Variants in PCLAF observed in about 807,000 individuals in gnomAD.
The protein encoded by PCLAF is PCNA-associated factor.
Under a neutral mutation model 15.1 loss-of-function variants are expected in PCLAF, and 12 were observed. That is an observed-to-expected ratio of 0.79 (90% confidence interval 0.51 to 1.29). The LOEUF (loss-of-function observed/expected upper bound fraction) is 1.29. PCLAF is among the 50% of genes most tolerant of loss of function. PCLAF has a pLI of 0.00. For missense variants in PCLAF, 116 were observed against 130.9 expected (o/e 0.89, Z 0.56); for synonymous variants, 33 against 47.1 (o/e 0.70, Z 1.22).
At chr15:64,383,433 C>G (rs920842278), upstream of PCLAF, among the ~76,000 whole-genome samples, 1 of 150,044 alleles carries the variant, frequency 6.7e-6, no homozygotes, top group Non-Finnish European at 1.5e-5. Context: ...GTGGCGTGTT[C>G]TCGGCTCACT....
intron 3 of PCLAF, among the ~76,000 whole-genome samples, chr15:64,371,185 G>A (rs1899297404): frequency 6.6e-6 from 1 of 151,502 alleles, no homozygotes; most frequent in Non-Finnish European, 1.5e-5. Context: ...AGCCAGGATG[G>A]TCTTGATCTC....
At position 64,381,395 on chromosome 15, in the gene PCLAF, G is replaced by A; in HGVS notation, c.-24C>T. ...ATGTTCAAACAAGAAGAGAGGAGAG[G>A]AGAGAACGAACTGACTTCCCAGCCG... On this transcript the variant is annotated 5_prime_UTR_variant, in exon 1 of 4. Transcript: ENST00000300035. The A allele has an allele frequency of 1.2e-6, 2 of 1,614,124 alleles. No individual in the cohort carries two copies. Among genetic ancestry groups the A allele is most frequent in the Middle Eastern group, 1.6e-4 (1 of 6,062 alleles).
At chr15:64,370,106 T>A (rs1430546007) in intron 3 of PCLAF, among the ~76,000 whole-genome samples, 1 of 151,052 alleles carries the variant, frequency 6.6e-6, no homozygotes, top group Non-Finnish European at 1.5e-5. Context: ...AGAAACACAA[T>A]CTGGCTCTGT....
chr15:64,376,718 T>A (rs774911661), intron 3 of PCLAF, 25 bp downstream of exon 3: 12 of 1,588,106 alleles, frequency 7.6e-6, no homozygotes, highest in Non-Finnish European at 9.5e-6. Flanking sequence ...ATATTTTCTT[T>A]ATATTCCAGA....
intron 3 of PCLAF, among the ~76,000 whole-genome samples, chr15:64,370,842 T>G (rs1188087057): frequency 1.5e-4 from 23 of 149,566 alleles, no homozygotes; most frequent in East Asian, 9.6e-4. Context: ...TTTTTTTTTT[T>G]TTTTTTTTTT....
intron 3 of PCLAF, among the ~76,000 whole-genome samples, chr15:64,367,677 A>G (rs1293784240): frequency 6.6e-6 from 1 of 151,472 alleles, no homozygotes; most frequent in African/African-American, 2.4e-5. Flanking sequence ...CCTCCCAAGT[A>G]GCTGGGATTA....
rs746420273 is a variant in PCLAF at position 64,376,876 on chromosome 15, C to T, written c.157G>A (p.Val53Ile). 1.9e-6 allele frequency: 3 copies of T among 1,613,772 alleles called. No homozygotes were observed. Among genetic ancestry groups the T allele is most frequent in the African/African-American group, 1.3e-5 (1 of 74,894 alleles). ...AENKYAGGNP[V>I]CVRPTPKWQK... is the part of the protein sequence containing the mutation. Reference sequence around the variant, plus strand: ...CACTTGGGAGTTGGGCGCACGCAAACGGGGTTCCCTCCTGCATATTTATTT... The same window carrying T: ...CACTTGGGAGTTGGGCGCACGCAAATGGGGTTCCCTCCTGCATATTTATTT... Residue 53 changes from valine to isoleucine, a missense_variant, in exon 3 of 4, where the codon GTT becomes ATT. Physicochemically the swap from Val to Ile is conservative, Grantham distance 29. Coordinates refer to ENST00000300035, the MANE Select transcript of PCLAF (RefSeq NM_014736.6).
chr15:64,373,336 C>G (rs1398745179), intron 3 of PCLAF: 2 of 187,934 alleles, frequency 1.1e-5, no homozygotes, highest in Non-Finnish European at 2.2e-5. Flanking sequence ...TTAAACCAGT[C>G]CAGTTTGAGA....
chr15:64,371,679 C>G (rs959044579), intron 3 of PCLAF, among the ~76,000 whole-genome samples: 6 of 152,188 alleles, frequency 3.9e-5, no homozygotes, highest in Non-Finnish European at 8.8e-5. Context: ...TCTTGGCTCA[C>G]TCCACCTCCT....
chr15:64,374,309 AGGCG>A (rs1188290746), intron 3 of PCLAF, among the ~76,000 whole-genome samples: 3 of 152,110 alleles, frequency 2.0e-5, no homozygotes, highest in Non-Finnish European at 4.4e-5. Flanking sequence ...TGGGAGGCCG[AGGCG>A]GGCAGATCAT....
At chr15:64,373,886 T>G in intron 3 of PCLAF, 1 of 948,800 alleles carries the variant, frequency 1.1e-6, no homozygotes, top group Non-Finnish European at 1.5e-6. Flanking sequence ...ACATTTAAGT[T>G]GCTTAGAAAG....
chr15:64,381,131 C>T (rs534342023), intron 1 of PCLAF, 93 bp from the exon 2 acceptor site: 3 of 1,295,176 alleles, frequency 2.3e-6, no homozygotes, highest in Non-Finnish European at 3.3e-6. Context: ...GAGAGCCTGG[C>T]GATCCAGAAC....
rs749506910 is a variant in PCLAF, at chr15:64,381,399, G to A, written c.-28C>T. The stretch of plus-strand genomic sequence containing the variant: ...TCAAACAAGAAGAGAGGAGAGGAGA[G>A]AACGAACTGACTTCCCAGCCGAGGG... On this transcript the variant is annotated 5_prime_UTR_variant, in exon 1 of 4. Transcript: ENST00000300035. The A allele has an allele frequency of 1.9e-6, 3 of 1,613,944 alleles. No individual in the cohort carries two copies. The highest frequency in any genetic ancestry group is 3.3e-5 in the Admixed American group (2 of 60,006).
Position 64,373,542 on chromosome 15 carries a change from C to CGGCTGTA in PCLAF, c.290+3194_290+3200dup, listed in dbSNP as rs547774303. On this transcript the variant is annotated intron_variant, in intron 3 of 3. Coordinates refer to ENST00000300035, the MANE Select transcript of PCLAF (RefSeq NM_014736.6). ...AGGGCAAGCAAGACCACAAGGAGACCGGCTGTAGGCTGTAGGGCACTGTTG... is the reference window on the plus strand; with the variant it reads ...AGGGCAAGCAAGACCACAAGGAGACCGGCTGTAGGCTGTAGGCTGTAGGGCACTGTTG... 3,317 of 1,280,024 alleles carry CGGCTGTA rather than the reference C, an allele frequency of 2.6e-3. 6 individuals carry two copies. The highest frequency in any genetic ancestry group is 6.9e-3 in the East Asian group (237 of 34,234). The allele number at this position is 1,280,024 out of a possible 1,614,324, so 79.3% of individuals were successfully genotyped here.
At chr15:64,374,846 CAA>C (rs372818602) in intron 3 of PCLAF, among the ~76,000 whole-genome samples, 19 of 39,932 alleles carry the variant, frequency 4.8e-4, no homozygotes, top group Admixed American at 1.3e-3. Context: ...ACCCCCATAT[CAA>C]AAAAAAAAAA....
intron 1 of PCLAF, chr15:64,387,385 A>G: frequency 9.0e-6 from 8 of 887,424 alleles, no homozygotes; most frequent in Non-Finnish European, 1.2e-5. Context: ...CCGTCTCAAA[A>G]TAAATAAATA....
chr15:64,387,337 A>C lies in PCLAF; in HGVS notation n.241+110T>G, dbSNP rs1270363417. On this transcript the variant is annotated intron_variant and non_coding_transcript_variant, in intron 1 of 1. Coordinates refer to the PCLAF transcript ENST00000558250. ...GCGGAGCTTGCAGTGAGCCGAGATC[A>C]TGCCACTGCACTCAAGCCTGGGCGA... The C allele has an allele frequency of 3.0e-5, 16 of 528,192 alleles. No homozygotes were observed. In the East Asian group the frequency reaches 9.9e-4, roughly 33 times the overall value. The allele number at this position is 528,192 out of a possible 1,614,324, so 32.7% of individuals were successfully genotyped here.
intron 3 of PCLAF, among the ~76,000 whole-genome samples, chr15:64,368,250 C>T: frequency 6.6e-6 from 1 of 151,992 alleles, no homozygotes; most frequent in East Asian, 1.9e-4. Context: ...GAGGCTGAGG[C>T]AGGAGAATCG....
chr15:64,381,299 C>T, intron 1 of PCLAF, 27 bp downstream of exon 1: 1 of 1,613,912 alleles, frequency 6.2e-7, no homozygotes, highest in South Asian at 1.1e-5. Context: ...CCCCCCCGCC[C>T]TCCAGTACCA....
Sources: allele counts gnomAD v4.1 joint callset (sites outside exome capture counted in the v4.1 genomes callset), GRCh38; gene constraint gnomAD v4.1.1; transcripts MANE v1.5; gene names NCBI Gene and HGNC (gene_info 2026-07-23, HGNC 2026-07-21).